Variants in TMEM132D observed in about 807,000 individuals in gnomAD.
TMEM132D encodes mature OL transmembrane protein.
In TMEM132D, 21 loss-of-function variants were observed where a neutral mutation model predicts 62.3. The observed-to-expected ratio is 0.34, with a 90% CI of 0.24 to 0.49. TMEM132D has a LOEUF of 0.49. TMEM132D is among the 20% of genes least tolerant of loss of function. TMEM132D has a pLI of 0.99. For synonymous variants in TMEM132D, 621 were observed against 575.6 expected (o/e 1.08, Z -1.13); for missense variants, 1,346 against 1,402.8 (o/e 0.96, Z 0.65).
chr12:129,507,378 A>G lies in TMEM132D; in HGVS notation c.1115+23681T>C, dbSNP rs141172466. Among the ~76,000 whole-genome samples, 532 of 152,306 alleles carry G rather than the reference A, an allele frequency of 3.5e-3. 1 individual carries two copies. The highest frequency in any genetic ancestry group is 0.012 in the African/African-American group (504 of 41,572). ...CTACTGGATATCTATCCAGAAGAAA[A>G]TAAGTCATTATATGAAAAAGATACT... On this transcript the variant is annotated intron_variant, in intron 3 of 8. Transcript: ENST00000422113.
At chr12:129,644,298 C>A (rs994059631) in intron 2 of TMEM132D, among the ~76,000 whole-genome samples, 1 of 152,172 alleles carries the variant, frequency 6.6e-6, no homozygotes, top group African/African-American at 2.4e-5. Flanking sequence ...TACGACATGT[C>A]TCAGATTTTC....
chr12:129,388,359 C>T (rs372521045), intron 3 of TMEM132D, among the ~76,000 whole-genome samples: 6 of 95,888 alleles, frequency 6.3e-5, no homozygotes, highest in Non-Finnish European at 1.1e-4. Flanking sequence ...AACACCAACA[C>T]CAATCCAGCA....
intron 4 of TMEM132D, among the ~76,000 whole-genome samples, chr12:129,316,201 G>T (rs1440813873): frequency 6.6e-6 from 1 of 151,964 alleles, no homozygotes; most frequent in African/African-American, 2.4e-5. Flanking sequence ...GGTTTGGTTT[G>T]TTCTTGTTTC....
At chr12:129,822,855 G>A (rs1463584536) in intron 1 of TMEM132D, among the ~76,000 whole-genome samples, 5 of 152,176 alleles carry the variant, frequency 3.3e-5, no homozygotes, top group African/African-American at 1.2e-4. Flanking sequence ...GGGGATTATT[G>A]TAATTCAAGA....
At chr12:129,770,163 A>C (rs1202395322) in intron 1 of TMEM132D, among the ~76,000 whole-genome samples, 1 of 8,644 alleles carries the variant, frequency 1.2e-4, no homozygotes, top group African/African-American at 3.2e-4. Context: ...TTTTTTTTTG[A>C]GATCAGATCT....
At chr12:129,801,875 G>A (rs1221674626) in intron 1 of TMEM132D, among the ~76,000 whole-genome samples, 1 of 151,374 alleles carries the variant, frequency 6.6e-6, no homozygotes, top group African/African-American at 2.4e-5. Flanking sequence ...CAAGGCTCGA[G>A]AACTACGTGA....
rs1871069038 is a variant in TMEM132D at position 129,779,985 on chromosome 12, T to C, written c.80-79287A>G. Among the ~76,000 whole-genome samples, 1 of 151,470 alleles carries C rather than the reference T, an allele frequency of 6.6e-6. No homozygotes were observed. Among genetic ancestry groups the C allele is most frequent in the Non-Finnish European group, 1.5e-5 (1 of 67,918 alleles). On this transcript the variant is annotated intron_variant, in intron 1 of 8. Transcript: ENST00000422113. The surrounding 1 kb of genome is among the most constrained non-coding windows in gnomAD (Gnocchi z 4.1). ...TCAGCCCCATTTCATCCATGAGGAA[T>C]CAGGAGCCCAGAAGACTAACTGCCC... is the stretch of plus-strand genomic sequence containing the variant.
At position 129,371,356 on chromosome 12, in the gene TMEM132D, CAAT is replaced by C. The variant is rs886734230; in HGVS notation, c.1116-33542_1116-33540del. Among the ~76,000 whole-genome samples the C allele has an allele frequency of 3.3e-5, 5 of 149,636 alleles. No homozygotes were observed. In the East Asian group the frequency reaches 8.0e-4, roughly 24 times the overall value. On this transcript the variant is annotated intron_variant, in intron 3 of 8. Transcript: ENST00000422113. The surrounding 1 kb of genome is among the most constrained non-coding windows in gnomAD (Gnocchi z 4.3). The stretch of plus-strand genomic sequence containing the variant: ...ATGGTGATGATTATAATGATGGTGA[CAAT>C]AATGATGTGATGATGGTGATGATGA...
chr12:129,552,405 C>T (rs1167228799), intron 2 of TMEM132D, among the ~76,000 whole-genome samples: 3 of 152,152 alleles, frequency 2.0e-5, no homozygotes, highest in African/African-American at 7.2e-5. Flanking sequence ...ACCTATACAT[C>T]TATCATCTAC....
At chr12:129,199,301 C>T (rs946220198) in intron 5 of TMEM132D, among the ~76,000 whole-genome samples, 8 of 151,992 alleles carry the variant, frequency 5.3e-5, no homozygotes, top group Non-Finnish European at 1.2e-4. Flanking sequence ...AGGGTTTCGC[C>T]ATGTTGCTCA....
intron 3 of TMEM132D, among the ~76,000 whole-genome samples, chr12:129,436,752 C>T (rs1410122697): frequency 6.6e-6 from 1 of 151,990 alleles, no homozygotes; most frequent in African/African-American, 2.4e-5. Context: ...CAAGTGTGTG[C>T]GTTTGTGATT....
intron 2 of TMEM132D, among the ~76,000 whole-genome samples, chr12:129,620,362 G>T (rs969066789): frequency 1.3e-5 from 2 of 151,856 alleles, no homozygotes; most frequent in African/African-American, 4.8e-5. Flanking sequence ...ACTTTGGGAT[G>T]CTGAGGTGGG....
At chr12:129,579,713 G>C (rs1287196595) in intron 2 of TMEM132D, among the ~76,000 whole-genome samples, 1 of 152,164 alleles carries the variant, frequency 6.6e-6, no homozygotes, top group Admixed American at 6.5e-5. Context: ...GCAGTCAAAT[G>C]GATGGTGCCC....
chr12:129,507,974 G>A (rs753475132), intron 3 of TMEM132D, among the ~76,000 whole-genome samples: 2 of 152,034 alleles, frequency 1.3e-5, no homozygotes, highest in Non-Finnish European at 2.9e-5. Context: ...CAGCATCATG[G>A]CCTGCAGACT....
chr12:129,612,464 C>T (rs1237842776), intron 2 of TMEM132D, among the ~76,000 whole-genome samples: 1 of 152,112 alleles, frequency 6.6e-6, no homozygotes, highest in African/African-American at 2.4e-5. Flanking sequence ...AATAAAAAAT[C>T]CTGTTAAAAC....
At chr12:129,895,979 T>G (rs1875108918) in intron 1 of TMEM132D, among the ~76,000 whole-genome samples, 2 of 149,748 alleles carry the variant, frequency 1.3e-5, no homozygotes, top group Non-Finnish European at 3.0e-5. Flanking sequence ...TTTTTTTTTT[T>G]TTTTGTTTGG....
At chr12:129,757,563 C>G (rs987052915) in intron 1 of TMEM132D, among the ~76,000 whole-genome samples, 1 of 152,128 alleles carries the variant, frequency 6.6e-6, no homozygotes, top group South Asian at 2.1e-4. Flanking sequence ...CCAAAGCCAG[C>G]CCCATGATCT....
At chr12:129,589,721 G>C (rs375857651) in intron 2 of TMEM132D, among the ~76,000 whole-genome samples, 62 of 152,252 alleles carry the variant, frequency 4.1e-4, no homozygotes, top group Middle Eastern at 6.8e-3. Context: ...ATGGGTGGTT[G>C]AGCAAATCTA....
chr12:129,201,147 A>G (rs546344426), intron 5 of TMEM132D, among the ~76,000 whole-genome samples: 1 of 152,340 alleles, frequency 6.6e-6, no homozygotes, highest in Non-Finnish European at 1.5e-5. Context: ...ACATTTCTGA[A>G]ATATTTGGTG....
Sources: allele counts gnomAD v4.1 joint callset (sites outside exome capture counted in the v4.1 genomes callset), GRCh38; gene constraint gnomAD v4.1.1; non-coding constraint Gnocchi (gnomAD v3.1); transcripts MANE v1.5; gene names NCBI Gene and HGNC (gene_info 2026-07-23, HGNC 2026-07-21).